OPA1: variants seen among roughly 807,000 people sequenced by gnomAD.
The protein encoded by OPA1 is OPA1 mitochondrial dynamin like GTPase, also known as dynamin-like GTPase OPA1, mitochondrial.
OPA1 carries 59 observed loss-of-function variants against 152.9 expected under a neutral mutation model. The ratio of observed to expected loss-of-function variants is 0.39; its 90% CI spans 0.31 to 0.48. OPA1 has a LOEUF of 0.48. OPA1 is among the 20% of genes least tolerant of loss of function. The probability of loss-of-function intolerance (pLI) is 0.96; values close to 1 mark genes in which losing one functional copy is unlikely to be tolerated. For missense variants in OPA1, 1,008 were observed against 1,216.8 expected, an observed-to-expected ratio of 0.83 and a Z score of 2.55; for synonymous variants, 400 against 389.9, an observed-to-expected ratio of 1.03 and a Z score of -0.31.
chr3:193,683,497 A>G (rs572100393), intron 29 of OPA1, among the ~76,000 whole-genome samples: 3 of 152,278 alleles, frequency 2.0e-5, no homozygotes, highest in Admixed American at 6.5e-5. Context: ...AAAATTACCT[A>G]TTGTGGGTAA....
At chr3:193,635,848 G>A (rs748081414) in intron 9 of OPA1, among the ~76,000 whole-genome samples, 9 of 152,120 alleles carry the variant, frequency 5.9e-5, no homozygotes, top group Admixed American at 2.0e-4. Context: ...GTTAATTGAT[G>A]GACATGTAAG....
In OPA1 at chr3:193,690,383, A is replaced by T. The variant is rs528564672; in HGVS notation, c.2984-1680A>T. Among the ~76,000 whole-genome samples, 6 of 136,752 alleles carry T rather than the reference A, an allele frequency of 4.4e-5. No homozygotes were observed. In the South Asian group the frequency reaches 1.2e-3, roughly 27 times the overall value. The allele number at this position is 136,752 out of a possible 152,430, so 89.7% of individuals were successfully genotyped here. A position where few individuals can be genotyped will look rare whatever the true frequency, so the allele number is the denominator to read the frequency against. Reference sequence around the variant, plus strand: ...GCCTAGAATAAGAAGTGCTTCAGCCAGGCATAGTGGCACTCACCTGTAGTC... The same window carrying T: ...GCCTAGAATAAGAAGTGCTTCAGCCTGGCATAGTGGCACTCACCTGTAGTC... On this transcript the variant is annotated intron_variant, in intron 29 of 30. Transcript: ENST00000361510.
chr3:193,648,217 T>A lies in OPA1; in HGVS notation c.1935+83T>A, dbSNP rs1183344926. ...CTAAATTTATGTTGAGAGAAAAATC[T>A]GATAAGCTAAAGTACTTTGGTTTTG... On this transcript the variant is annotated intron_variant, in intron 20 of 30. Transcript: ENST00000361510. The A allele has an allele frequency of 5.9e-5, 63 of 1,073,136 alleles. 1 individual carries two copies. The South Asian group carries it at 7.9e-4, about 13-fold the overall frequency. 66.5% of individuals were successfully genotyped at this position (1,073,136 alleles called of 1,614,324 possible).
At chr3:193,685,387 G>A (rs922750524) in intron 29 of OPA1, among the ~76,000 whole-genome samples, 4 of 151,832 alleles carry the variant, frequency 2.6e-5, no homozygotes, top group Non-Finnish European at 5.9e-5. Flanking sequence ...TTACCTCACA[G>A]ACTTTCTTAA....
rs1386915863 is a variant in OPA1 at position 193,617,235 on chromosome 3, T to C, written c.506T>C (p.Phe169Ser). The C allele has an allele frequency of 1.9e-6, 3 of 1,613,074 alleles. No homozygotes were observed. Among genetic ancestry groups the C allele is most frequent in the South Asian group, 1.1e-5 (1 of 91,008 alleles). The change falls in exon 4 of 31, where the codon TTT becomes TCT. Residue 169 changes from phenylalanine (F) to serine (S), a missense_variant. By Grantham distance (155) the Phe-to-Ser change is radical (BLOSUM62 -2). Around this residue, in one of 7 missense-constraint regions of OPA1, gnomAD observed 408 missense variants for 395.1 expected, o/e 1.03. Coordinates refer to ENST00000361510, the MANE Select transcript of OPA1 (RefSeq NM_130837.3). ...SEDLVKLAPDFDKIVESLSLL... is the reference protein window; with the variant it reads ...SEDLVKLAPDSDKIVESLSLL... ...GACCTTGTAAAGTTAGCACCAGACT[T>C]TGACAAGATTGTTGAAAGCCTTAGC...
intron 8 of OPA1, among the ~76,000 whole-genome samples, chr3:193,633,706 C>G (rs1299195425): frequency 6.6e-6 from 1 of 152,126 alleles, no homozygotes; most frequent in Non-Finnish European, 1.5e-5. Context: ...CAGATAGTAT[C>G]ATTTCAACAT....
At chr3:193,621,909 A>ACAG (rs1730155701) in intron 6 of OPA1, among the ~76,000 whole-genome samples, 1 of 152,206 alleles carries the variant, frequency 6.6e-6, no homozygotes. Context: ...GTCATCATAT[A>ACAG]TACCGGTGAC....
chr3:193,670,724 T>G (rs1303746714), intron 29 of OPA1, among the ~76,000 whole-genome samples: 1 of 152,164 alleles, frequency 6.6e-6, no homozygotes, highest in Non-Finnish European at 1.5e-5. Flanking sequence ...TTTCACATCC[T>G]GGAGAAGATA....
At chr3:193,606,438 C>T (rs1477452354) in intron 1 of OPA1, among the ~76,000 whole-genome samples, 1 of 149,170 alleles carries the variant, frequency 6.7e-6, no homozygotes, top group South Asian at 2.2e-4. Flanking sequence ...CACAACAGGC[C>T]CCAGTGTGTG....
intron 29 of OPA1, among the ~76,000 whole-genome samples, chr3:193,690,496 TTA>T (rs1560082237): frequency 6.6e-6 from 1 of 151,550 alleles, no homozygotes; most frequent in East Asian, 2.0e-4. Flanking sequence ...CCTAGAAGTT[TTA>T]AATTACTGGA....
At chr3:193,642,051 G>T (rs1437751671) in intron 11 of OPA1, among the ~76,000 whole-genome samples, 1 of 152,222 alleles carries the variant, frequency 6.6e-6, no homozygotes, top group African/African-American at 2.4e-5. Context: ...GCGAAGTGGA[G>T]GTTGCAGTGA....
At chr3:193,615,997 T>C (rs1311718994) in intron 3 of OPA1, among the ~76,000 whole-genome samples, 6 of 152,218 alleles carry the variant, frequency 3.9e-5, no homozygotes, top group Non-Finnish European at 7.3e-5. Flanking sequence ...TAATTATACT[T>C]ACTATATGTG....
At chr3:193,660,871 G>A (rs564342165) in intron 25 of OPA1, among the ~76,000 whole-genome samples, 1 of 152,272 alleles carries the variant, frequency 6.6e-6, no homozygotes, top group East Asian at 1.9e-4. Flanking sequence ...AGAATTTCTA[G>A]AGATCCATCC....
At chr3:193,682,554 C>T (rs1166605559) in intron 29 of OPA1, among the ~76,000 whole-genome samples, 2 of 152,138 alleles carry the variant, frequency 1.3e-5, no homozygotes, top group Non-Finnish European at 2.9e-5. Context: ...AGGCTATCCC[C>T]TCATTTTGGG....
chr3:193,623,865 G>C (rs1233550105), intron 6 of OPA1, among the ~76,000 whole-genome samples: 1 of 152,070 alleles, frequency 6.6e-6, no homozygotes, highest in Non-Finnish European at 1.5e-5. Flanking sequence ...GGGTAAGACT[G>C]GTGCACAAAA....
Position 193,676,952 on chromosome 3 carries a change from G to C in OPA1, c.2983+9672G>C, listed in dbSNP as rs868379519. Among the ~76,000 whole-genome samples, 3 of 129,058 alleles carry C rather than the reference G, an allele frequency of 2.3e-5. No individual in the cohort carries two copies. The Admixed American group carries it at 2.8e-4, about 12-fold the overall frequency. 84.7% of individuals were successfully genotyped at this position (129,058 alleles called of 152,430 possible). On this transcript the variant is annotated intron_variant, in intron 29 of 30. Coordinates refer to ENST00000361510, the MANE Select transcript of OPA1 (RefSeq NM_130837.3). ...GCCGAGATCGCGCCACTGCACTCCA[G>C]CCTGGGTGACAGAGCAAGACTCGTC...
chr3:193,608,685 T>G (rs1160565376), intron 1 of OPA1, among the ~76,000 whole-genome samples: 1 of 152,142 alleles, frequency 6.6e-6, no homozygotes, highest in Non-Finnish European at 1.5e-5. Context: ...TTCTGTTGAT[T>G]TGGGGTGGAG....
At chr3:193,637,321 A>G (rs1477654180) in intron 10 of OPA1, 40 bp downstream of exon 10, 1 of 1,282,564 alleles carries the variant, frequency 7.8e-7, no homozygotes. Flanking sequence ...AATTAGCAAA[A>G]AAAGAAGCAG....
intron 11 of OPA1, among the ~76,000 whole-genome samples, chr3:193,642,422 G>C (rs1486276093): frequency 6.6e-6 from 1 of 152,172 alleles, no homozygotes. Context: ...TTTCCTTTTA[G>C]TGTTTCAAGT....
Sources: allele counts gnomAD v4.1 joint callset (sites outside exome capture counted in the v4.1 genomes callset), GRCh38; gene constraint gnomAD v4.1.1; regional missense constraint gnomAD v4.1.1; transcripts MANE v1.5; gene names NCBI Gene and HGNC (gene_info 2026-07-23, HGNC 2026-07-21).